The following VAT1L variants were observed in gnomAD, a reference collection of about 807,000 sequenced individuals.
VAT1L encodes putative NADPH-dependent quinone oxidoreductase VAT1L.
A neutral mutation model predicts 44.1 loss-of-function variants in VAT1L; 34 were observed. The ratio of observed to expected loss-of-function variants is 0.77; its 90% CI spans 0.59 to 1.03. The LOEUF (loss-of-function observed/expected upper bound fraction) is 1.03, where lower values mean the gene tolerates loss of function less well. VAT1L is among the 50% of genes least tolerant of loss of function. VAT1L has a pLI of 0.00. For missense variants in VAT1L, 615 were observed against 538.8 expected, an observed-to-expected ratio of 1.14 and a Z score of -1.40; for synonymous variants, 253 against 202.2, an observed-to-expected ratio of 1.25 and a Z score of -2.13.
intron 1 of VAT1L, among the ~76,000 whole-genome samples, chr16:77,801,941 C>T (rs1285727757): frequency 2.6e-5 from 4 of 152,152 alleles, no homozygotes; most frequent in African/African-American, 9.7e-5. Context: ...CGTTTTGCAG[C>T]CGGAATCGAC....
intron 7 of VAT1L, among the ~76,000 whole-genome samples, chr16:77,958,685 T>C (rs538974188): frequency 1.3e-5 from 2 of 152,382 alleles, no homozygotes; most frequent in East Asian, 3.9e-4. Context: ...CTTGGTTCAA[T>C]GTTTAATTCA....
intron 7 of VAT1L, among the ~76,000 whole-genome samples, chr16:77,944,002 C>T (rs569076552): frequency 1.3e-5 from 2 of 152,312 alleles, no homozygotes; most frequent in African/African-American, 2.4e-5. Flanking sequence ...CCTCCAACCT[C>T]CCATTTCTAA....
At chr16:77,907,564 A>C (rs2017451502) in intron 7 of VAT1L, among the ~76,000 whole-genome samples, 5 of 152,192 alleles carry the variant, frequency 3.3e-5, no homozygotes. Context: ...CCCTATGCCC[A>C]GCTCAAGTCC....
chr16:77,828,847 A>G (rs1889520341), intron 3 of VAT1L, among the ~76,000 whole-genome samples: 1 of 152,134 alleles, frequency 6.6e-6, no homozygotes, highest in Non-Finnish European at 1.5e-5. Context: ...CAGAAGGAAT[A>G]CAACCCTGCT....
At chr16:77,963,016 G>A (rs1408795586) in intron 7 of VAT1L, among the ~76,000 whole-genome samples, 5 of 152,152 alleles carry the variant, frequency 3.3e-5, no homozygotes, top group African/African-American at 7.2e-5. Context: ...TTCAGAAATC[G>A]AGTAGAGGGC....
chr16:77,923,783 G>GA (rs1190072176), intron 7 of VAT1L, among the ~76,000 whole-genome samples: 1 of 152,154 alleles, frequency 6.6e-6, no homozygotes, highest in Non-Finnish European at 1.5e-5. Context: ...CTACACTGGG[G>GA]AGAGAGGAAA....
intron 3 of VAT1L, among the ~76,000 whole-genome samples, chr16:77,827,346 T>C (rs974490290): frequency 6.6e-6 from 1 of 152,262 alleles, no homozygotes; most frequent in African/African-American, 2.4e-5. Context: ...AATTAGTATT[T>C]ATACATTTAC....
intron 1 of VAT1L, among the ~76,000 whole-genome samples, chr16:77,790,031 G>A (rs954463389): frequency 1.3e-5 from 2 of 152,148 alleles, no homozygotes; most frequent in Non-Finnish European, 2.9e-5. Context: ...GCTCTCCAAA[G>A]CAGCAGCCAG....
At chr16:77,823,073 A>G (rs1383521330) in intron 2 of VAT1L, among the ~76,000 whole-genome samples, 1 of 152,046 alleles carries the variant, frequency 6.6e-6, no homozygotes, top group African/African-American at 2.4e-5. Context: ...CGGACAATCA[A>G]GTCCTCTGGA....
chr16:77,881,841 T>G (rs1300254768), intron 6 of VAT1L, among the ~76,000 whole-genome samples: 8 of 152,264 alleles, frequency 5.3e-5, no homozygotes, highest in Non-Finnish European at 1.2e-4. Context: ...ATTAACATGA[T>G]GTTGACAGAC....
intron 4 of VAT1L, among the ~76,000 whole-genome samples, chr16:77,872,148 G>A (rs2017039756): frequency 6.6e-6 from 1 of 152,140 alleles, no homozygotes; most frequent in Non-Finnish European, 1.5e-5. Flanking sequence ...AGGTCACACA[G>A]CATGTAAGTA....
In VAT1L at chr16:77,907,832, C is replaced by T. The variant is rs984465672; in HGVS notation, c.1077+23030C>T. ...AGTTGTGGTCTATCAAAAGCAAAAG[C>T]CCTTAGCTATGTTTCTCACCATCCA... On this transcript the variant is annotated intron_variant, in intron 7 of 8. Coordinates refer to ENST00000302536, the MANE Select transcript of VAT1L (RefSeq NM_020927.3). 4.4e-4 allele frequency among the ~76,000 whole-genome samples: 67 copies of T among 152,108 alleles called. 1 individual carries two copies. The highest frequency in any genetic ancestry group is 2.6e-4 in the Admixed American group (4 of 15,270).
chr16:77,938,599 G>A (rs1314263619), intron 7 of VAT1L, among the ~76,000 whole-genome samples: 1 of 152,082 alleles, frequency 6.6e-6, no homozygotes, highest in Non-Finnish European at 1.5e-5. Flanking sequence ...TGTTGCTTCT[G>A]CTCTGGCCAT....
chr16:77,950,571 G>C (rs1467609554), intron 7 of VAT1L, among the ~76,000 whole-genome samples: 1 of 152,168 alleles, frequency 6.6e-6, no homozygotes, highest in East Asian at 1.9e-4. Context: ...TAGATAAGCA[G>C]AATAAGAAAT....
chr16:77,949,714 G>A (rs2018017085), intron 7 of VAT1L, among the ~76,000 whole-genome samples: 2 of 152,162 alleles, frequency 1.3e-5, no homozygotes, highest in African/African-American at 4.8e-5. Flanking sequence ...AAACAGCCTG[G>A]GGCTTCCACC....
rs1180183607 is a variant in VAT1L, at chr16:77,979,984, T to C, written c.*2289T>C. ...AGGCTTCTCTGTAATTTAAGCTTGA[T>C]AGAAGTGAACTGAAACATTGTCTAA... On this transcript the variant is annotated 3_prime_UTR_variant, in exon 9 of 9. Coordinates refer to ENST00000302536, the MANE Select transcript of VAT1L (RefSeq NM_020927.3). The C allele has an allele frequency of 2.6e-5, 4 of 152,670 alleles. No individual in the cohort carries two copies. The highest frequency in any genetic ancestry group is 9.6e-5 in the African/African-American group (4 of 41,468). The allele number at this position is 152,670 out of a possible 1,614,324, so 9.5% of individuals were successfully genotyped here.
At chr16:77,829,668 A>G (rs2016558526) in intron 3 of VAT1L, among the ~76,000 whole-genome samples, 1 of 152,192 alleles carries the variant, frequency 6.6e-6, no homozygotes, top group South Asian at 2.1e-4. Context: ...AAGTAACAAA[A>G]TAGGTAACAG....
chr16:77,936,152 C>T (rs939113749), intron 7 of VAT1L, among the ~76,000 whole-genome samples: 1 of 152,146 alleles, frequency 6.6e-6, no homozygotes, highest in Non-Finnish European at 1.5e-5. Context: ...TGGGGAAAGA[C>T]CTGGTAGGTA....
chr16:77,915,450 G>A (rs2017542409), intron 7 of VAT1L, among the ~76,000 whole-genome samples: 1 of 152,182 alleles, frequency 6.6e-6, no homozygotes, highest in African/African-American at 2.4e-5. Context: ...GAAACAAATG[G>A]TATGGATAAA....
Sources: allele counts gnomAD v4.1 joint callset (sites outside exome capture counted in the v4.1 genomes callset), GRCh38; gene constraint gnomAD v4.1.1; transcripts MANE v1.5; gene names NCBI Gene and HGNC (gene_info 2026-07-23, HGNC 2026-07-21).